Variants in ERCC6 observed in about 807,000 individuals in gnomAD.
ERCC6 encodes ERCC excision repair 6, chromatin remodeling factor.
ERCC6 carries 116 observed loss-of-function variants against 158.7 expected under a neutral mutation model. The observed-to-expected ratio is 0.73, with a 90% CI of 0.63 to 0.85. The LOEUF (loss-of-function observed/expected upper bound fraction) is 0.85. Among genes scored for constraint, ERCC6 ranks in the 40% least tolerant of loss-of-function variants. ERCC6 has a pLI of 0.00. For missense variants in ERCC6, 1,698 were observed against 1,799.4 expected, an observed-to-expected ratio of 0.94 and a Z score of 1.02; for synonymous variants, 678 against 659.3, an observed-to-expected ratio of 1.03 and a Z score of -0.43.
intron 4 of ERCC6, among the ~76,000 whole-genome samples, chr10:49,526,110 TATATTTTTATATATATATATA>T (rs1837322990): frequency 1.3e-5 from 1 of 75,924 alleles, no homozygotes; most frequent in Non-Finnish European, 2.5e-5. Flanking sequence ...TATATATTTA[TATATTTTTATATATATATATA>T]TATATATATA....
rs1413002384 is a variant in ERCC6, at chr10:49,478,401, T to C, written c.2239A>G (p.Lys747Glu). 6 of 1,613,982 alleles carry C rather than the reference T, an allele frequency of 3.7e-6. No homozygotes were observed. Among genetic ancestry groups the C allele is most frequent in the Non-Finnish European group, 3.4e-6 (4 of 1,179,956 alleles). The change falls in exon 11 of 21, where the codon AAG becomes GAG. Residue 747 changes from lysine to glutamate, a missense_variant. Transcript: ENST00000355832. ...GAAAGGCTCATCTTGACATCTGACT[T>C]CATTCTCCGCAGTAGGTATGGATTT... The part of the protein sequence containing the change: ...TINPYLLRRM[K>E]SDVKMSLSLP...
intron 6 of ERCC6, chr10:49,504,114 C>T (rs932110460): frequency 1.3e-5 from 2 of 152,106 alleles, no homozygotes; most frequent in Admixed American, 6.6e-5. Context: ...CAATTCAATT[C>T]CACAGAATGC....
At chr10:49,460,936 C>T (rs540103255) in intron 19 of ERCC6, among the ~76,000 whole-genome samples, 5 of 152,054 alleles carry the variant, frequency 3.3e-5, no homozygotes, top group African/African-American at 1.2e-4. Flanking sequence ...GAATGAGAAC[C>T]ACTCAGTATC....
At position 49,503,584 on chromosome 10, in the gene ERCC6, A is replaced by C. The variant is rs182620289; in HGVS notation, c.1526+2300T>G. The C allele has an allele frequency of 4.6e-5, 7 of 152,268 alleles. No individual in the cohort carries two copies. The East Asian group carries it at 1.4e-3, about 29-fold the overall frequency. The allele number at this position is 152,268 out of a possible 1,614,324, so 9.4% of individuals were successfully genotyped here. A position where few individuals can be genotyped will look rare whatever the true frequency, so the allele number is the denominator to read the frequency against. On this transcript the variant is annotated intron_variant, in intron 6 of 20. Coordinates refer to ENST00000355832, the MANE Select transcript of ERCC6 (RefSeq NM_000124.4). ...ACTAGCCACACAGCTGGTAGATGATATACATAGCTGGTGTTGCTAGATGAG... is the reference window on the plus strand; with the variant it reads ...ACTAGCCACACAGCTGGTAGATGATCTACATAGCTGGTGTTGCTAGATGAG...
At chr10:49,438,469 C>A in the ERCC6 span, among the ~76,000 whole-genome samples, 1 of 152,034 alleles carries the variant, frequency 6.6e-6, no homozygotes. Context: ...AAAGACCAGC[C>A]CCCATGATTC....
At chr10:49,499,429 A>C (rs1295486736) in intron 7 of ERCC6, among the ~76,000 whole-genome samples, 1 of 152,364 alleles carries the variant, frequency 6.6e-6, no homozygotes, top group East Asian at 1.9e-4. Flanking sequence ...TTGGCTCTCT[A>C]CTAAGCATTT....
chr10:49,506,706 GA>G (rs1216436541), intron 5 of ERCC6, among the ~76,000 whole-genome samples: 6 of 152,098 alleles, frequency 3.9e-5, no homozygotes, highest in Non-Finnish European at 8.8e-5. Flanking sequence ...CTAAATATCT[GA>G]AAGTCTTAGC....
intron 18 of ERCC6, 108 bp from the exon 19 acceptor site, chr10:49,461,664 TACACTTAGAAA>T: frequency 1.9e-6 from 2 of 1,062,506 alleles, no homozygotes; most frequent in Non-Finnish European, 2.8e-6. Flanking sequence ...AAAGTGATAG[TACACTTAGAAA>T]ACCCTAGAGA....
chr10:49,460,000 A>C, intron 20 of ERCC6: 1 of 339,724 alleles, frequency 2.9e-6, no homozygotes, highest in Non-Finnish European at 5.6e-6. Context: ...GCAGCCAGTG[A>C]GTTACAGACA....
intron 5 of ERCC6, among the ~76,000 whole-genome samples, chr10:49,511,826 A>T (rs1836823715): frequency 6.6e-6 from 1 of 152,212 alleles, no homozygotes; most frequent in South Asian, 2.1e-4. Context: ...ACCACAGAGA[A>T]GTGAAAACCG....
chr10:49,490,613 A>G (rs1442312527), intron 8 of ERCC6, among the ~76,000 whole-genome samples: 1 of 152,176 alleles, frequency 6.6e-6, no homozygotes, highest in Non-Finnish European at 1.5e-5. Flanking sequence ...TCGGCCTCCC[A>G]AAGTGCTGGG....
chr10:49,460,241 C>T (rs943282494), intron 20 of ERCC6, 132 bp downstream of exon 20: 10 of 718,758 alleles, frequency 1.4e-5, no homozygotes, highest in African/African-American at 6.9e-5. Context: ...TAAATCAGAG[C>T]GTGCAACACA....
downstream of ERCC6, among the ~76,000 whole-genome samples, chr10:49,450,036 C>G (rs1352925031): frequency 6.6e-6 from 1 of 152,116 alleles, no homozygotes; most frequent in Non-Finnish European, 1.5e-5. Context: ...CCATGACCAG[C>G]TAACTTGTTT....
the ERCC6 span, among the ~76,000 whole-genome samples, chr10:49,447,715 G>A: frequency 1.4e-5 from 2 of 146,144 alleles, no homozygotes; most frequent in Admixed American, 6.9e-5. Flanking sequence ...AAAAAAAAAA[G>A]AAAGAAAGAA....
chr10:49,514,188 C>T (rs1024768092), intron 5 of ERCC6, among the ~76,000 whole-genome samples: 2 of 152,096 alleles, frequency 1.3e-5, no homozygotes, highest in African/African-American at 4.8e-5. Flanking sequence ...CATTTTTGTA[C>T]AATAACATGA....
chr10:49,496,101 T>C (rs1431847086), intron 7 of ERCC6, among the ~76,000 whole-genome samples: 1 of 152,142 alleles, frequency 6.6e-6, no homozygotes, highest in Non-Finnish European at 1.5e-5. Flanking sequence ...CTTCCTCCAA[T>C]CGACCTTCAC....
Position 49,469,990 on chromosome 10 carries a change from T to G in ERCC6, c.3778+192A>C, listed in dbSNP as rs374869620. On this transcript the variant is annotated intron_variant, in intron 18 of 20. Transcript: ENST00000355832. ...ATTGTTTTCCAAAGTTTCAAATTAT[T>G]CTAGGTCTTCAGAAAAGAGGTGTAA... Among the ~76,000 whole-genome samples, 4 of 152,214 alleles carry G rather than the reference T, an allele frequency of 2.6e-5. No homozygotes were observed. In the East Asian group the frequency reaches 7.7e-4, roughly 29 times the overall value.
chr10:49,483,615 C>T, intron 8 of ERCC6, 99 bp from the exon 9 acceptor site: 1 of 1,174,628 alleles, frequency 8.5e-7, no homozygotes, highest in South Asian at 1.3e-5. Context: ...TGCACAAATA[C>T]AAACATAACA....
chr10:49,452,954 T>G (rs1850436903), downstream of ERCC6, among the ~76,000 whole-genome samples: 1 of 152,148 alleles, frequency 6.6e-6, no homozygotes, highest in South Asian at 2.1e-4. Flanking sequence ...TCTTTGAGCC[T>G]AAAGTGTGTT....
Sources: allele counts gnomAD v4.1 joint callset (sites outside exome capture counted in the v4.1 genomes callset), GRCh38; gene constraint gnomAD v4.1.1; transcripts MANE v1.5; gene names NCBI Gene and HGNC (gene_info 2026-07-23, HGNC 2026-07-21).